FHL1: variants seen among roughly 807,000 people sequenced by gnomAD.
The protein encoded by FHL1 is four and a half LIM domains protein 1.
In FHL1, 1 loss-of-function variant was observed where a neutral mutation model predicts 20.3. That is an observed-to-expected ratio of 0.05 (90% CI 0.02 to 0.23). FHL1 has a LOEUF of 0.23. Among genes scored for constraint, FHL1 ranks in the 10% least tolerant of loss-of-function variants. The pLI is 1.00. For missense variants in FHL1, 177 were observed against 234.0 expected (o/e 0.76, Z 1.59); for synonymous variants, 82 against 88.9 (o/e 0.92, Z 0.44).
intron 1 of FHL1, among the ~76,000 whole-genome samples, chrX:136,154,606 T>C (rs1283103059): frequency 1.8e-5 from 2 of 112,624 alleles, no homozygotes; most frequent in African/African-American, 6.5e-5. Flanking sequence ...AAAGATTGCA[T>C]CTGCTTCCAA....
intron 2 of FHL1, among the ~76,000 whole-genome samples, chrX:136,184,808 A>G (rs2073247825): frequency 8.9e-6 from 1 of 112,240 alleles, no homozygotes; most frequent in Admixed American, 9.5e-5. Flanking sequence ...TTTAATGACC[A>G]TATTATGTTA....
At position 136,210,922 on chromosome X, in the gene FHL1, C is replaced by T; in HGVS notation, c.*897C>T. ...TCCTGCAGTGCTGAAATTCATCCTACGGAAGTAACCGCAAAACTCTAGAGG... is the reference window on the plus strand; with the variant it reads ...TCCTGCAGTGCTGAAATTCATCCTATGGAAGTAACCGCAAAACTCTAGAGG... On this transcript the variant is annotated 3_prime_UTR_variant, in exon 6 of 6. Transcript: ENST00000370683. 1.3e-5 allele frequency: 5 copies of T among 383,336 alleles called. No individual in the cohort carries two copies. Among genetic ancestry groups the T allele is most frequent in the Non-Finnish European group, 2.0e-5 (4 of 203,116 alleles). The allele number at this position is 383,336 out of a possible 1,213,427, so 31.6% of individuals were successfully genotyped here.
At chrX:136,186,274 C>G (rs1000246296) in intron 2 of FHL1, among the ~76,000 whole-genome samples, 3 of 111,246 alleles carry the variant, frequency 2.7e-5, no homozygotes, top group Non-Finnish European at 3.8e-5. Flanking sequence ...AAGCCACTTC[C>G]TCTCTGGGTG....
intron 1 of FHL1, among the ~76,000 whole-genome samples, chrX:136,201,937 T>TAGA (rs2073721568): frequency 8.9e-6 from 1 of 112,648 alleles, no homozygotes; most frequent in Admixed American, 9.4e-5. Flanking sequence ...CAGACATATC[T>TAGA]AGAAGTTCTG....
intron 1 of FHL1, among the ~76,000 whole-genome samples, chrX:136,159,936 G>T (rs1372730205): frequency 8.9e-6 from 1 of 112,419 alleles, no homozygotes; most frequent in Non-Finnish European, 1.9e-5. Context: ...GAGTTTGATT[G>T]CTTTGGGCCA....
At chrX:136,159,689 C>T (rs1228853995) in intron 1 of FHL1, among the ~76,000 whole-genome samples, 2 of 112,277 alleles carry the variant, frequency 1.8e-5, no homozygotes, top group African/African-American at 6.5e-5. Flanking sequence ...CTGCCCAGTA[C>T]CTCCAATGCT....
At chrX:136,204,866 T>C (rs1456966575) in intron 1 of FHL1, 1 of 112,138 alleles carries the variant, frequency 8.9e-6, no homozygotes, top group Non-Finnish European at 1.9e-5. Context: ...CTTGGACATG[T>C]GTTTGTATAA....
At chrX:136,194,351 G>T (rs1299235415), upstream of FHL1, among the ~76,000 whole-genome samples, 1 of 112,158 alleles carries the variant, frequency 8.9e-6, no homozygotes. Context: ...TAAAGCAATG[G>T]CTGGGGCGGC....
chrX:136,196,279 C>T (rs1000637400), upstream of FHL1, among the ~76,000 whole-genome samples: 1 of 112,119 alleles, frequency 8.9e-6, no homozygotes, highest in African/African-American at 3.2e-5. Context: ...TTTCCTAGAA[C>T]ATGCTCCTAA....
At chrX:136,162,144 G>A (rs866799561) in intron 1 of FHL1, among the ~76,000 whole-genome samples, 3 of 50,022 alleles carry the variant, frequency 6.0e-5, no homozygotes, top group African/African-American at 1.1e-4. Context: ...AAAAAAAAAA[G>A]TACTAGCGAT....
intron 1 of FHL1, among the ~76,000 whole-genome samples, chrX:136,152,719 CAAAA>C (rs768022110): frequency 2.1e-4 from 11 of 53,015 alleles, no homozygotes; most frequent in Non-Finnish European, 3.5e-4. Flanking sequence ...GACTCCATCT[CAAAA>C]AAAAAAAAAA....
intron 2 of FHL1, among the ~76,000 whole-genome samples, chrX:136,173,956 C>A (rs898747586): frequency 4.5e-5 from 5 of 111,576 alleles, no homozygotes; most frequent in African/African-American, 1.3e-4. Flanking sequence ...CTTCGGCCTC[C>A]CAAAGTGCTA....
At chrX:136,209,744 C>G (rs2073954594) in intron 5 of FHL1, 127 bp from the exon 6 acceptor site, 1 of 802,850 alleles carries the variant, frequency 1.2e-6, no homozygotes, top group African/African-American at 2.1e-5. Flanking sequence ...AGACCTGGCT[C>G]TTGCGTGCTT....
intron 2 of FHL1, among the ~76,000 whole-genome samples, chrX:136,174,672 G>C (rs1484621534): frequency 8.9e-6 from 1 of 111,943 alleles, no homozygotes; most frequent in Admixed American, 9.5e-5. Context: ...CTTTGAGTTG[G>C]AGCAGAGGAG....
At chrX:136,193,754 T>A (rs2073487384), upstream of FHL1, among the ~76,000 whole-genome samples, 1 of 110,310 alleles carries the variant, frequency 9.1e-6, no homozygotes, top group Non-Finnish European at 1.9e-5. Context: ...TCCTTGCATC[T>A]CAGTGGACAA....
intron 2 of FHL1, among the ~76,000 whole-genome samples, chrX:136,183,679 C>A (rs752083076): frequency 2.7e-5 from 3 of 111,979 alleles, no homozygotes; most frequent in Non-Finnish European, 5.6e-5. Context: ...GATATTTCCA[C>A]AAATCAGTTT....
At chrX:136,208,184 C>T (rs1374356443) in intron 4 of FHL1, among the ~76,000 whole-genome samples, 1 of 112,057 alleles carries the variant, frequency 8.9e-6, no homozygotes, top group South Asian at 3.7e-4. Flanking sequence ...GCGGGTGGCC[C>T]GTATGGCATG....
intron 1 of FHL1, among the ~76,000 whole-genome samples, chrX:136,155,575 G>C (rs7877890): frequency 0.029 from 3,263 of 111,417 alleles, 120 homozygotes; most frequent in African/African-American, 0.1. Context: ...TTGCCTAGGG[G>C]TGTATTTTTA....
At position 136,207,901 on chromosome X, in the gene FHL1, C is replaced by T. The variant is rs149670651; in HGVS notation, c.489C>T (p.Asp163=). The change falls in exon 4 of 6, where the codon GAC becomes GAT. Residue 163 remains aspartate (D), a synonymous_variant. Coordinates refer to ENST00000370683, the MANE Select transcript of FHL1 (RefSeq NM_001159699.2). ...GAAGCTTCTTCCCTAAAGGGGAGGACTTCTACTGCGTGACTTGCCATGAGA... is the reference window on the plus strand; with the variant it reads ...GAAGCTTCTTCCCTAAAGGGGAGGATTTCTACTGCGTGACTTGCCATGAGA... ...GTGSFFPKGE[D]FYCVTCHETK... 3,112 of 1,211,068 alleles carry T rather than the reference C, an allele frequency of 2.6e-3. 8 individuals are homozygous for T. The highest frequency in any genetic ancestry group is 3.1e-3 in the Non-Finnish European group (2,766 of 895,403).
Sources: allele counts gnomAD v4.1 joint callset (sites outside exome capture counted in the v4.1 genomes callset), GRCh38; gene constraint gnomAD v4.1.1; transcripts MANE v1.5; gene names NCBI Gene and HGNC (gene_info 2026-07-23, HGNC 2026-07-21).